Variants in SCUBE2 observed in about 807,000 individuals in gnomAD.
The protein encoded by SCUBE2 is signal peptide, CUB domain and EGF like domain containing 2.
SCUBE2 carries 114 observed loss-of-function variants against 125.9 expected under a neutral mutation model. The ratio of observed to expected loss-of-function variants is 0.91; its 90% confidence interval spans 0.78 to 1.06. SCUBE2 has a LOEUF of 1.06. SCUBE2 is among the 50% of genes least tolerant of loss of function. The pLI, the probability that SCUBE2 is intolerant of heterozygous loss-of-function variation, is 0.00. For synonymous variants in SCUBE2, 459 were observed against 492.9 expected, an observed-to-expected ratio of 0.93 and a Z score of 0.91; for missense variants, 1,255 against 1,301.8, an observed-to-expected ratio of 0.96 and a Z score of 0.55.
chr11:9,059,631 G>A (rs1469044366), intron 8 of SCUBE2: 17 of 631,504 alleles, frequency 2.7e-5, no homozygotes, highest in South Asian at 1.3e-4. Flanking sequence ...GTGTTTCATC[G>A]TCTTGAGAAC....
At position 9,091,242 on chromosome 11, in the gene SCUBE2, G is replaced by A. The variant is rs561152183; in HGVS notation, c.133+154C>T. Among the ~76,000 whole-genome samples, 2 of 152,230 alleles carry A rather than the reference G, an allele frequency of 1.3e-5. No individual in the cohort carries two copies. Among genetic ancestry groups the A allele is most frequent in the South Asian group, 4.1e-4 (2 of 4,832 alleles). ...CGGTCGTGGCGCCTTGGCCCGGCCG[G>A]CGGGTGAGGTCCCGGGGGGAGCAGA... On this transcript the variant is annotated intron_variant, in intron 1 of 22. Coordinates refer to ENST00000649792, the MANE Select transcript of SCUBE2 (RefSeq NM_001367977.2). The surrounding 1 kb of genome is among the most constrained non-coding windows in gnomAD (Gnocchi z 8.5).
Position 9,052,789 on chromosome 11 carries a change from A to C in SCUBE2, c.1491T>G (p.Pro497=). The C allele has an allele frequency of 6.5e-7, 1 of 1,537,060 alleles. No homozygotes were observed. Among genetic ancestry groups the C allele is most frequent in the East Asian group, 2.4e-5 (1 of 40,928 alleles). ...TTGATTTTTGTTGTTTGTTCCTGAG[A>C]GGAGAGGAAGAGCCACAGGTGACAG... ...AYSVTCGSSS[P]LRNKQQKSND... is the part of the protein sequence containing the mutation. The change falls in exon 13 of 23, where the codon CCT becomes CCG. Residue 497 remains proline (P), a synonymous_variant. Transcript: ENST00000649792.
At chr11:9,029,859 T>A (rs3751058) in intron 19 of SCUBE2, 25 bp downstream of exon 19, 10 of 1,613,682 alleles carry the variant, frequency 6.2e-6, no homozygotes, top group Non-Finnish European at 8.5e-6. Flanking sequence ...GCCAGAACTA[T>A]GAAAAGCCTT....
chr11:9,027,229 C>T (rs1292838958), intron 20 of SCUBE2, 135 bp downstream of exon 20: 1 of 825,760 alleles, frequency 1.2e-6, no homozygotes, highest in Non-Finnish European at 1.9e-6. Context: ...CTCACCAACT[C>T]TATAAACTCA....
chr11:9,057,812 G>A (rs1859242558), intron 9 of SCUBE2, among the ~76,000 whole-genome samples: 1 of 152,120 alleles, frequency 6.6e-6, no homozygotes, highest in Non-Finnish European at 1.5e-5. Context: ...AGATTACAGT[G>A]TGAGCCACCA....
Position 9,060,451 on chromosome 11 carries a change from A to G in SCUBE2, c.924T>C (p.Cys308=), listed in dbSNP as rs773001226. 12 of 1,614,136 alleles carry G rather than the reference A, an allele frequency of 7.4e-6. No homozygotes were observed. In the East Asian group the frequency reaches 2.5e-4, roughly 33 times the overall value. The change falls in exon 8 of 23, where the codon TGT becomes TGC. Residue 308 remains cysteine (C), a synonymous_variant. Coordinates refer to ENST00000649792, the MANE Select transcript of SCUBE2 (RefSeq NM_001367977.2). The stretch of plus-strand genomic sequence containing the variant: ...CCAACTGGAGAGTGAATCCAACAGG[A>G]CAACTGCAGTGGACACCTGTCGAAG... The part of the protein sequence containing the change: ...KDTSTGVHCS[C]PVGFTLQLDG...
intron 2 of SCUBE2, among the ~76,000 whole-genome samples, chr11:9,080,047 A>G (rs557413257): frequency 6.6e-6 from 1 of 152,350 alleles, no homozygotes; most frequent in African/African-American, 2.4e-5. Context: ...TTAACTCACT[A>G]TAAACCTACA....
chr11:9,067,021 A>T (rs1235679085), intron 5 of SCUBE2, among the ~76,000 whole-genome samples: 2 of 152,214 alleles, frequency 1.3e-5, no homozygotes, highest in African/African-American at 2.4e-5. Flanking sequence ...AGAAATGCTG[A>T]AACATGGGTT....
chr11:9,090,950 T>C (rs141223589), intron 1 of SCUBE2, among the ~76,000 whole-genome samples: 1 of 152,136 alleles, frequency 6.6e-6, no homozygotes, highest in Non-Finnish European at 1.5e-5. Context: ...GAAAAGTCTC[T>C]GGAGCCCACC....
chr11:9,051,519 A>G (rs1858413727), intron 13 of SCUBE2, among the ~76,000 whole-genome samples: 2 of 152,156 alleles, frequency 1.3e-5, no homozygotes, highest in Admixed American at 1.3e-4. Flanking sequence ...AGAGGGAGTG[A>G]GGGTCCCACT....
In SCUBE2 at chr11:9,025,721, G is replaced by T. The variant is rs763697763; in HGVS notation, c.2835C>A (p.Val945=). ...GCTTACCATCATATGTCACGTATGG[G>T]ACCTGGAACCCTCTAGCGCTGTTCC... The part of the protein sequence containing the change: ...NEGNSARGFQ[V]PYVTYDEDYQ... The change falls in exon 21 of 23, where the codon GTC becomes GTA. Residue 945 remains valine, a synonymous_variant. Transcript: ENST00000649792. 1 of 1,614,142 alleles carries T rather than the reference G, an allele frequency of 6.2e-7. No homozygotes were observed. The highest frequency in any genetic ancestry group is 1.3e-5 in the African/African-American group (1 of 75,046).
chr11:9,060,451 A>T lies in SCUBE2; in HGVS notation c.924T>A (p.Cys308Ter). ...KDTSTGVHCS[C>*]PVGFTLQLDG... ...CCAACTGGAGAGTGAATCCAACAGG[A>T]CAACTGCAGTGGACACCTGTCGAAG... is the stretch of plus-strand genomic sequence containing the variant. Residue 308 changes from cysteine to a stop codon, truncating the protein, a stop_gained, in exon 8 of 23, where the codon TGT becomes TGA. Transcript: ENST00000649792. LOFTEE classifies it high-confidence loss of function. The T allele has an allele frequency of 6.2e-7, 1 of 1,614,136 alleles. No homozygotes were observed. Among genetic ancestry groups the T allele is most frequent in the Non-Finnish European group, 8.5e-7 (1 of 1,179,974 alleles).
chr11:9,075,853 C>A (rs2135851762), intron 3 of SCUBE2, among the ~76,000 whole-genome samples: 1 of 152,298 alleles, frequency 6.6e-6, no homozygotes, highest in Middle Eastern at 3.4e-3. Context: ...GGGCTGGGAG[C>A]CTTGTGGGCT....
chr11:9,066,945 G>A (rs936407701), intron 5 of SCUBE2, 132 bp from the exon 6 acceptor site: 24 of 697,374 alleles, frequency 3.4e-5, no homozygotes, highest in Admixed American at 8.3e-5. Flanking sequence ...CATGGTGCAC[G>A]AAAGACATAA....
At chr11:9,070,669 T>C (rs368057357) in intron 4 of SCUBE2, among the ~76,000 whole-genome samples, 8 of 152,314 alleles carry the variant, frequency 5.3e-5, no homozygotes, top group African/African-American at 1.9e-4. Context: ...CCTTCTATAT[T>C]GTGCCCCTAA....
chr11:9,067,429 T>C (rs1860357880), intron 5 of SCUBE2, among the ~76,000 whole-genome samples: 1 of 152,236 alleles, frequency 6.6e-6, no homozygotes, highest in Non-Finnish European at 1.5e-5. Context: ...TAACCGTGGT[T>C]ACCTCTGGCA....
rs1330090053 is a variant in SCUBE2 at position 9,019,782 on chromosome 11, T to C, written c.*1263A>G. Reference sequence around the variant, plus strand: ...TTGTTATTGAAATAACAAAACACTATAGTTGTAGGTAGTCCATCCATTAGG... The same window carrying C: ...TTGTTATTGAAATAACAAAACACTACAGTTGTAGGTAGTCCATCCATTAGG... On this transcript the variant is annotated 3_prime_UTR_variant, in exon 23 of 23. Transcript: ENST00000649792. 6.6e-6 allele frequency among the ~76,000 whole-genome samples: 1 copy of C among 152,158 alleles called. No homozygotes were observed.
At chr11:9,030,073 T>G (rs753224038) in intron 18 of SCUBE2, 28 bp from the exon 19 acceptor site, 42 of 1,591,318 alleles carry the variant, frequency 2.6e-5, no homozygotes, top group Non-Finnish European at 3.3e-5. Context: ...GTGAAAAGAA[T>G]GAAAAAAAGA....
chr11:9,027,339 A>T lies in SCUBE2; in HGVS notation c.2701+25T>A, dbSNP rs1566161621. The T allele has an allele frequency of 5.0e-6, 8 of 1,611,514 alleles. No homozygotes were observed. The South Asian group carries it at 7.7e-5, about 16-fold the overall frequency. On this transcript the variant is annotated intron_variant, in intron 20 of 22. Coordinates refer to ENST00000649792, the MANE Select transcript of SCUBE2 (RefSeq NM_001367977.2). ...ATCAGGCTTCCCAGCTGGCCTGAGAAAGGGAGGGAGGGAGTGAGACGCACA... is the reference window on the plus strand; with the variant it reads ...ATCAGGCTTCCCAGCTGGCCTGAGATAGGGAGGGAGGGAGTGAGACGCACA...
Sources: allele counts gnomAD v4.1 joint callset (sites outside exome capture counted in the v4.1 genomes callset), GRCh38; gene constraint gnomAD v4.1.1; non-coding constraint Gnocchi (gnomAD v3.1); transcripts MANE v1.5; gene names NCBI Gene and HGNC (gene_info 2026-07-23, HGNC 2026-07-21).